HMCN1: variants seen among roughly 807,000 people sequenced by gnomAD.
The protein encoded by HMCN1 is hemicentin-1.
HMCN1 carries 321 observed loss-of-function variants against 625.9 expected under a neutral mutation model. The ratio of observed to expected loss-of-function variants is 0.51; its 90% confidence interval spans 0.47 to 0.56. The LOEUF (loss-of-function observed/expected upper bound fraction) is 0.56, where lower values mean the gene tolerates loss of function less well. HMCN1 is among the 20% of genes least tolerant of loss of function. The pLI is 0.00. For synonymous variants in HMCN1, 2,425 were observed against 2,417.6 expected, an observed-to-expected ratio of 1.00 and a Z score of -0.09; for missense variants, 6,588 against 6,887.3, an observed-to-expected ratio of 0.96 and a Z score of 1.54.
intron 4 of HMCN1, among the ~76,000 whole-genome samples, chr1:185,906,951 A>ATTTTTTTTTTTTTTTTTTTTTTTTTTCTT: frequency 9.2e-6 from 1 of 108,630 alleles, no homozygotes; most frequent in Non-Finnish European, 2.1e-5. Flanking sequence ...AATCCTTTCT[A>ATTTTTTTTTTTTTTTTTTTTTTTTTTCTT]TTTTTTTTTT....
chr1:186,019,623 T>C lies in HMCN1; in HGVS notation c.5553T>C (p.Asn1851=), dbSNP rs1654588345. The C allele has an allele frequency of 1.2e-6, 2 of 1,611,522 alleles. No homozygotes were observed. Among genetic ancestry groups the C allele is most frequent in the African/African-American group, 2.7e-5 (2 of 74,800 alleles). Residue 1851 remains asparagine, a synonymous_variant, in exon 35 of 107, where the codon AAT becomes AAC. Coordinates refer to ENST00000271588, the MANE Select transcript of HMCN1 (RefSeq NM_031935.3). ...YKPVALQCIA[N]GIPNPSITWL... is the part of the protein sequence containing the mutation. The stretch of plus-strand genomic sequence containing the variant: ...CTGTCGCCTTGCAGTGCATAGCCAA[T>C]GGGATTCCAAATCCTTCCATTACAT...
intron 36 of HMCN1, among the ~76,000 whole-genome samples, chr1:186,031,820 C>A (rs562608981): frequency 1.3e-5 from 2 of 152,018 alleles, no homozygotes; most frequent in East Asian, 3.9e-4. Context: ...TTAGAATTTT[C>A]ATTTGGCTTT....
At chr1:185,971,000 G>T (rs1226915491) in intron 15 of HMCN1, among the ~76,000 whole-genome samples, 1 of 152,010 alleles carries the variant, frequency 6.6e-6, no homozygotes. Flanking sequence ...AATTTATACG[G>T]AAAGATCCTA....
chr1:186,009,567 T>C lies in HMCN1; in HGVS notation c.4630+2285T>C, dbSNP rs574075681. On this transcript the variant is annotated intron_variant, in intron 30 of 106. Transcript: ENST00000271588. ...GATTTCAGATTGAGAGTGTGTTTCATACTACACTTGATTCATTCCTTTTCC... is the reference window on the plus strand; with the variant it reads ...GATTTCAGATTGAGAGTGTGTTTCACACTACACTTGATTCATTCCTTTTCC... Among the ~76,000 whole-genome samples, 5 of 152,294 alleles carry C rather than the reference T, an allele frequency of 3.3e-5. No individual in the cohort carries two copies. In the South Asian group the frequency reaches 1.0e-3, roughly 32 times the overall value.
rs1330063576 is a variant in HMCN1 at position 185,884,204 on chromosome 1, C to A, written c.621+18341C>A. Reference sequence around the variant, plus strand: ...ATTATTTCAATGAGGCTGAAAAGAACTCATGTAATTACTGGTCCTGTGTGA... The same window carrying A: ...ATTATTTCAATGAGGCTGAAAAGAAATCATGTAATTACTGGTCCTGTGTGA... On this transcript the variant is annotated intron_variant, in intron 4 of 106. Coordinates refer to ENST00000271588, the MANE Select transcript of HMCN1 (RefSeq NM_031935.3). Among the ~76,000 whole-genome samples, 3 of 151,766 alleles carry A rather than the reference C, an allele frequency of 2.0e-5. 1 individual carries two copies. Among genetic ancestry groups the A allele is most frequent in the African/African-American group, 7.3e-5 (3 of 41,374 alleles).
chr1:185,922,553 A>G, intron 7 of HMCN1, 54 bp downstream of exon 7: 2 of 1,472,026 alleles, frequency 1.4e-6, no homozygotes, highest in Non-Finnish European at 1.9e-6. Context: ...AATGAAAAAT[A>G]TTTCTCAGAC....
At chr1:185,923,268 C>A in intron 7 of HMCN1, 122 bp from the exon 8 acceptor site, 1 of 779,748 alleles carries the variant, frequency 1.3e-6, no homozygotes, top group Non-Finnish European at 2.1e-6. Flanking sequence ...AATTCTGCAA[C>A]TGATCCAGAA....
At chr1:186,161,852 C>A (rs1019427201) in intron 97 of HMCN1, among the ~76,000 whole-genome samples, 1 of 152,190 alleles carries the variant, frequency 6.6e-6, no homozygotes, top group African/African-American at 2.4e-5. Context: ...CTGCCCTTAA[C>A]ATTTTTTCCT....
At chr1:185,795,373 C>T (rs1035294516) in intron 1 of HMCN1, among the ~76,000 whole-genome samples, 1 of 152,164 alleles carries the variant, frequency 6.6e-6, no homozygotes, top group Admixed American at 6.5e-5. Context: ...AAATTCTCTT[C>T]CCAAGAGAAA....
intron 38 of HMCN1, among the ~76,000 whole-genome samples, chr1:186,039,348 C>T (rs74134296): frequency 0.026 from 3,912 of 151,996 alleles, 160 homozygotes; most frequent in African/African-American, 0.089. Context: ...GCTTTTAAGA[C>T]GAGTTGGTAG....
At chr1:185,961,270 T>G (rs966202242) in intron 11 of HMCN1, among the ~76,000 whole-genome samples, 2 of 152,216 alleles carry the variant, frequency 1.3e-5, no homozygotes, top group Non-Finnish European at 2.9e-5. Flanking sequence ...TTAGTGAAAC[T>G]AAGCCACAAT....
chr1:185,850,918 G>A (rs1165543715), intron 2 of HMCN1, among the ~76,000 whole-genome samples: 2 of 152,034 alleles, frequency 1.3e-5, no homozygotes, highest in East Asian at 3.8e-4. Flanking sequence ...GAATACCACA[G>A]AAGTGTTTTT....
At chr1:186,175,884 A>T (rs572891751) in intron 103 of HMCN1, among the ~76,000 whole-genome samples, 35 of 148,876 alleles carry the variant, frequency 2.4e-4, no homozygotes, top group African/African-American at 8.2e-4. Context: ...CTCAAAAAAA[A>T]AAAAAAAGAA....
At chr1:186,127,260 A>G (rs1464629228) in intron 82 of HMCN1, among the ~76,000 whole-genome samples, 1 of 152,102 alleles carries the variant, frequency 6.6e-6, no homozygotes, top group Non-Finnish European at 1.5e-5. Context: ...AGTTAGAATA[A>G]GAAGTTCAAT....
At chr1:185,907,053 T>C (rs964869316) in intron 4 of HMCN1, among the ~76,000 whole-genome samples, 2 of 151,548 alleles carry the variant, frequency 1.3e-5, no homozygotes, top group African/African-American at 2.4e-5. Context: ...GTTCTATATA[T>C]GGTCAATGTT....
At chr1:186,106,350 C>G (rs1165235105) in intron 69 of HMCN1, among the ~76,000 whole-genome samples, 1 of 152,074 alleles carries the variant, frequency 6.6e-6, no homozygotes, top group Non-Finnish European at 1.5e-5. Context: ...AATTATAGAT[C>G]CTGCTGTCAG....
rs746147922 is a variant in HMCN1, at chr1:186,115,322, G to C, written c.11469G>C (p.Leu3823=). 1.9e-6 allele frequency: 3 copies of C among 1,613,920 alleles called. No individual in the cohort carries two copies. The highest frequency in any genetic ancestry group is 2.2e-5 in the East Asian group (1 of 44,864). ...TAATAGTAAATGTTCAAACTACTCT[G>C]GCTTGTGAGGCTACTGGGATACCAA... ...MTVIVNVQTT[L]ACEATGIPKP... Residue 3823 remains leucine, a synonymous_variant, in exon 75 of 107, where the codon CTG becomes CTC. Coordinates refer to ENST00000271588, the MANE Select transcript of HMCN1 (RefSeq NM_031935.3).
intron 1 of HMCN1, among the ~76,000 whole-genome samples, chr1:185,825,201 T>C (rs1373320860): frequency 6.6e-6 from 1 of 152,136 alleles, no homozygotes; most frequent in East Asian, 1.9e-4. Context: ...AAGTGTATTT[T>C]ACACAAAGCA....
At chr1:185,837,523 C>A (rs1661241261) in intron 1 of HMCN1, among the ~76,000 whole-genome samples, 1 of 151,754 alleles carries the variant, frequency 6.6e-6, no homozygotes, top group East Asian at 1.9e-4. Context: ...TTATGTATTT[C>A]AGATTTTAAT....
Sources: gnomAD v4.1 joint callset for allele counts (sites outside exome capture counted in the v4.1 genomes callset) on GRCh38, gnomAD v4.1.1 for gene constraint, MANE v1.5 for transcripts, NCBI Gene and HGNC (gene_info 2026-07-23, HGNC 2026-07-21) for gene names.